KMT2E: variants seen among roughly 807,000 people sequenced by gnomAD.
KMT2E encodes the protein histone reader KMT2E.
In KMT2E, 30 loss-of-function variants were observed where a neutral mutation model predicts 184.6. The observed-to-expected ratio is 0.16, with a 90% CI of 0.12 to 0.22. KMT2E has a LOEUF of 0.22. Ranked by LOEUF, KMT2E falls within the 10% of genes least tolerant of loss-of-function variation. The pLI is 1.00. For missense variants in KMT2E, 2,023 were observed against 2,237.4 expected (o/e 0.90, Z 1.93); for synonymous variants, 815 against 776.5 (o/e 1.05, Z -0.82).
chr7:105,113,297 A>T lies in KMT2E; in HGVS notation c.5541A>T (p.Thr1847=). Residue 1847 remains threonine (T), a synonymous_variant, in exon 27 of 27, where the codon ACA becomes ACT. Coordinates refer to ENST00000311117, the MANE Select transcript of KMT2E (RefSeq NM_182931.3). ...IPIHRAQVPP[T]FQNNYHGSGW... is the part of the protein sequence containing the mutation. ...TTCACAGAGCACAGGTGCCACCAAC[A>T]TTTCAAAACAATTACCATGGGTCAG... 1 of 1,613,202 alleles carries T rather than the reference A, an allele frequency of 6.2e-7. No homozygotes were observed. The highest frequency in any genetic ancestry group is 8.5e-7 in the Non-Finnish European group (1 of 1,179,236).
intron 13 of KMT2E, among the ~76,000 whole-genome samples, chr7:105,082,469 G>A (rs1562915333): frequency 2.0e-5 from 3 of 152,086 alleles, no homozygotes; most frequent in Non-Finnish European, 4.4e-5. Flanking sequence ...AAAGTAAGCT[G>A]GAGAAAAGAA....
At chr7:105,045,232 C>T (rs892729887) in intron 3 of KMT2E, among the ~76,000 whole-genome samples, 1 of 152,232 alleles carries the variant, frequency 6.6e-6, no homozygotes, top group Non-Finnish European at 1.5e-5. Flanking sequence ...CCCGATCTTG[C>T]AGCAGAATTT....
At chr7:105,072,719 C>A (rs1209844353) in intron 6 of KMT2E, among the ~76,000 whole-genome samples, 1 of 151,734 alleles carries the variant, frequency 6.6e-6, no homozygotes, top group East Asian at 2.0e-4. Context: ...AGTTTGAGAC[C>A]AGCCTGACCA....
chr7:105,078,444 C>G (rs976439645), intron 11 of KMT2E, among the ~76,000 whole-genome samples: 2 of 152,112 alleles, frequency 1.3e-5, no homozygotes, highest in African/African-American at 4.8e-5. Flanking sequence ...ACTCTGTGTT[C>G]TTAAGTTTCT....
At chr7:105,047,268 A>C (rs912987414) in intron 3 of KMT2E, among the ~76,000 whole-genome samples, 3 of 152,258 alleles carry the variant, frequency 2.0e-5, no homozygotes. Flanking sequence ...AACATAAACC[A>C]TATTGTTTGT....
Position 105,112,786 on chromosome 7 carries a change from TA to T in KMT2E, c.5031del (p.Leu1677PhefsTer35). 4 of 1,605,426 alleles carry T rather than the reference TA, an allele frequency of 2.5e-6. No individual in the cohort carries two copies. The highest frequency in any genetic ancestry group is 2.2e-5 in the South Asian group (2 of 90,628). On this transcript the variant is annotated frameshift_variant, in exon 27 of 27. Transcript: ENST00000311117. LOFTEE classifies it high-confidence loss of function. The stretch of plus-strand genomic sequence containing the variant: ...CATTCTCAAACTGCTGGACACCACT[TA>T]CCCCCACCCCCACCCCCTCCTGGTC... The part of the protein sequence containing the change: ...HIHSQTAGHH[L>X]PPPPPPPGPA...
At chr7:105,089,211 T>A in intron 13 of KMT2E, 1 of 405,178 alleles carries the variant, frequency 2.5e-6, no homozygotes, top group South Asian at 1.7e-5. Flanking sequence ...TTTTTTGTTT[T>A]TTTTCTGGAT....
chr7:105,043,978 G>A (rs1378625279), intron 3 of KMT2E, among the ~76,000 whole-genome samples: 1 of 152,058 alleles, frequency 6.6e-6, no homozygotes, highest in Non-Finnish European at 1.5e-5. Context: ...CATGCCTGTA[G>A]TCCCAGCTAC....
At position 105,109,046 on chromosome 7, in the gene KMT2E, C is replaced by G. The variant is rs1375245473; in HGVS notation, c.3573C>G (p.Ser1191Arg). The G allele has an allele frequency of 6.2e-7, 1 of 1,614,054 alleles. No individual in the cohort carries two copies. The highest frequency in any genetic ancestry group is 1.3e-5 in the African/African-American group (1 of 74,932). The change falls in exon 23 of 27, where the codon AGC (serine) becomes AGG (arginine). Residue 1191 changes from serine to arginine, a missense_variant. Physicochemically the swap from Ser to Arg is moderately radical, Grantham distance 110 (BLOSUM62 -1). This residue lies in a region of KMT2E where 1,108 missense variants were observed against 1,050.9 expected (regional missense o/e 1.05). Transcript: ENST00000311117. ...LISVSPHASGSLSNNGDGCAS... is the reference protein window; with the variant it reads ...LISVSPHASGRLSNNGDGCAS... ...GTGTATCACCCCATGCAAGTGGAAG[C>G]TTGAGCAACAATGGTGATGGCTGTG...
chr7:105,070,569 G>A (rs1014800782), intron 6 of KMT2E, among the ~76,000 whole-genome samples: 1 of 149,822 alleles, frequency 6.7e-6, no homozygotes, highest in Non-Finnish European at 1.5e-5. Context: ...GGGAGGCAGA[G>A]GTTGCAGTGA....
chr7:105,071,864 A>C (rs924451155), intron 6 of KMT2E, among the ~76,000 whole-genome samples: 2 of 151,832 alleles, frequency 1.3e-5, no homozygotes, highest in Non-Finnish European at 2.9e-5. Context: ...TAGGTGAGAA[A>C]TGGTAATCTC....
At chr7:105,027,927 T>C (rs1210197250) in intron 1 of KMT2E, among the ~76,000 whole-genome samples, 1 of 152,144 alleles carries the variant, frequency 6.6e-6, no homozygotes, top group Non-Finnish European at 1.5e-5. Context: ...ACATCTGAAA[T>C]ATTAAGATAA....
intron 3 of KMT2E, among the ~76,000 whole-genome samples, chr7:105,050,628 TTTC>T (rs1354908367): frequency 7.1e-6 from 1 of 141,216 alleles, no homozygotes; most frequent in East Asian, 2.1e-4. Context: ...TTCCTTTTCT[TTTC>T]TTTTCTCTTT....
At chr7:105,041,844 C>T (rs538055031) in intron 3 of KMT2E, among the ~76,000 whole-genome samples, 4 of 152,178 alleles carry the variant, frequency 2.6e-5, no homozygotes, top group Non-Finnish European at 4.4e-5. Flanking sequence ...GACACTTAAT[C>T]GACTATGAAG....
chr7:105,076,013 AAACT>A, intron 8 of KMT2E, 26 bp from the exon 9 acceptor site: 1 of 1,549,618 alleles, frequency 6.5e-7, no homozygotes. Flanking sequence ...GTTTTTTAGG[AAACT>A]AACTAGAATT....
intron 3 of KMT2E, among the ~76,000 whole-genome samples, chr7:105,053,386 A>G (rs903385746): frequency 1.3e-5 from 2 of 152,160 alleles, no homozygotes; most frequent in Non-Finnish European, 2.9e-5. Flanking sequence ...GAGTGATAGT[A>G]TTTTTACTAT....
chr7:105,028,430 G>A (rs947703927), intron 1 of KMT2E, among the ~76,000 whole-genome samples: 1 of 152,126 alleles, frequency 6.6e-6, no homozygotes, highest in African/African-American at 2.4e-5. Context: ...GCCTCCCAAA[G>A]TGCTAGGATT....
chr7:105,018,944 C>T (rs1325048614), intron 1 of KMT2E, among the ~76,000 whole-genome samples: 1 of 151,726 alleles, frequency 6.6e-6, no homozygotes, highest in Non-Finnish European at 1.5e-5. Context: ...GAGTATTTTG[C>T]ATTATATAAA....
intron 6 of KMT2E, among the ~76,000 whole-genome samples, chr7:105,068,455 T>G (rs1295333851): frequency 6.6e-6 from 1 of 151,676 alleles, no homozygotes; most frequent in Non-Finnish European, 1.5e-5. Flanking sequence ...TGGAACAAAC[T>G]TCTCTTTTTT....
Sources: allele counts gnomAD v4.1 joint callset (sites outside exome capture counted in the v4.1 genomes callset), GRCh38; gene constraint gnomAD v4.1.1; regional missense constraint gnomAD v4.1.1; transcripts MANE v1.5; gene names NCBI Gene and HGNC (gene_info 2026-07-23, HGNC 2026-07-21).